The following CHMP5 variants were observed in gnomAD, a reference collection of about 807,000 sequenced individuals.
CHMP5 encodes the protein charged multivesicular body protein 5, also known as SNF7 domain containing 2.
A neutral mutation model predicts 33.0 loss-of-function variants in CHMP5; 17 were observed. That is an observed-to-expected ratio of 0.52 (90% CI 0.35 to 0.77). CHMP5 has a LOEUF of 0.77. Ranked by LOEUF, CHMP5 falls within the 30% of genes least tolerant of loss-of-function variation. CHMP5 has a pLI of 0.01. For missense variants in CHMP5, 216 were observed against 261.5 expected, an observed-to-expected ratio of 0.83 and a Z score of 1.20; for synonymous variants, 76 against 90.2, an observed-to-expected ratio of 0.84 and a Z score of 0.89.
At chr9:33,274,697 C>A (rs773816471) in intron 5 of CHMP5, among the ~76,000 whole-genome samples, 1 of 152,182 alleles carries the variant, frequency 6.6e-6, no homozygotes, top group Non-Finnish European at 1.5e-5. Flanking sequence ...CTCACTGCAA[C>A]CTCTGCCTCC....
At chr9:33,266,604 G>A (rs2118009423) in intron 2 of CHMP5, among the ~76,000 whole-genome samples, 1 of 152,322 alleles carries the variant, frequency 6.6e-6, no homozygotes, top group Middle Eastern at 3.4e-3. Flanking sequence ...AAATATGGAA[G>A]GGAGGCTGGG....
intron 7 of CHMP5, among the ~76,000 whole-genome samples, chr9:33,279,968 T>TTTG (rs961440009): frequency 7.3e-5 from 11 of 151,570 alleles, no homozygotes; most frequent in African/African-American, 2.7e-4. Flanking sequence ...ATATGGGGGT[T>TTTG]TTGTTGTTGT....
chr9:33,272,171 G>A (rs970621060), intron 5 of CHMP5, among the ~76,000 whole-genome samples: 1 of 152,122 alleles, frequency 6.6e-6, no homozygotes, highest in African/African-American at 2.4e-5. Context: ...AGATAGCAGA[G>A]GGAGTGAGTG....
At chr9:33,268,327 G>A (rs971843155) in intron 3 of CHMP5, among the ~76,000 whole-genome samples, 1 of 152,098 alleles carries the variant, frequency 6.6e-6, no homozygotes, top group African/African-American at 2.4e-5. Context: ...GTTTTTGTTT[G>A]TGAAGTTAGG....
rs1304800277 is a variant in CHMP5, at chr9:33,281,719, CCTT to C, written c.*863_*865del. 6.6e-6 allele frequency: 1 copy of C among 152,174 alleles called. No homozygotes were observed. The highest frequency in any genetic ancestry group is 1.5e-5 in the Non-Finnish European group (1 of 68,038). The allele number at this position is 152,174 out of a possible 1,614,324, so 9.4% of individuals were successfully genotyped here. ...TGAGTAGTCTATTCAACCTCTCTAA[CCTT>C]CTGTTTCCTTATTAGTAAAATCATG... On this transcript the variant is annotated 3_prime_UTR_variant, in exon 8 of 8. Transcript: ENST00000223500.
chr9:33,265,519 G>A (rs1483296241), intron 1 of CHMP5, among the ~76,000 whole-genome samples: 2 of 152,068 alleles, frequency 1.3e-5, no homozygotes, highest in Admixed American at 6.6e-5. Context: ...GTCCACATCA[G>A]GACTCAGCTT....
chr9:33,276,637 A>C, intron 6 of CHMP5, 73 bp downstream of exon 6: 1 of 787,372 alleles, frequency 1.3e-6, no homozygotes, highest in Non-Finnish European at 2.1e-6. Flanking sequence ...ACCTTTTCTC[A>C]AATGCTAGTG....
chr9:33,278,177 A>G lies in CHMP5; in HGVS notation c.561A>G (p.Ala187=), dbSNP rs199649745. 1 of 1,613,566 alleles carries G rather than the reference A, an allele frequency of 6.2e-7. No individual in the cohort carries two copies. Among genetic ancestry groups the G allele is most frequent in the Non-Finnish European group, 8.5e-7 (1 of 1,179,682 alleles). Residue 187 remains alanine (A), a synonymous_variant, in exon 7 of 8, where the codon GCA becomes GCG. Coordinates refer to ENST00000223500, the MANE Select transcript of CHMP5 (RefSeq NM_016410.6). ...DEDSSYLDEA[A]SAPAIPEGVP... is the part of the protein sequence containing the mutation. ...ACAGTTCTTATTTGGATGAGGCAGC[A>G]TCTGCACCTGCAATTCCAGAAGGTG...
chr9:33,272,669 T>C (rs538198782), intron 5 of CHMP5, among the ~76,000 whole-genome samples: 1 of 152,060 alleles, frequency 6.6e-6, no homozygotes, highest in East Asian at 1.9e-4. Context: ...CCGAGCATGG[T>C]GGTGTGTGCC....
chr9:33,266,291 C>T (rs762431226), intron 2 of CHMP5, among the ~76,000 whole-genome samples, 177 bp downstream of exon 2: 5 of 152,178 alleles, frequency 3.3e-5, no homozygotes, highest in East Asian at 3.9e-4. Context: ...GCCAACATAG[C>T]GAAACCCTGT....
At chr9:33,269,866 C>G (rs903536034) in intron 3 of CHMP5, among the ~76,000 whole-genome samples, 1 of 150,890 alleles carries the variant, frequency 6.6e-6, no homozygotes. Context: ...CCAGCTACTC[C>G]GGAGGCTGAG....
chr9:33,266,778 T>C (rs1394704199), intron 2 of CHMP5, among the ~76,000 whole-genome samples: 1 of 152,174 alleles, frequency 6.6e-6, no homozygotes, highest in Non-Finnish European at 1.5e-5. Context: ...TTAGACTGCT[T>C]AAGGAGTGGC....
In CHMP5 at chr9:33,280,901, T is replaced by A; in HGVS notation, c.*42T>A. ...CATATCTTGTAAAACAAACACATATTATGGGACTAGGAAATATTTATCTTT... is the reference window on the plus strand; with the variant it reads ...CATATCTTGTAAAACAAACACATATAATGGGACTAGGAAATATTTATCTTT... On this transcript the variant is annotated 3_prime_UTR_variant, in exon 8 of 8. Transcript: ENST00000223500. The A allele has an allele frequency of 2.7e-6, 4 of 1,502,964 alleles. No homozygotes were observed. Among genetic ancestry groups the A allele is most frequent in the Non-Finnish European group, 3.7e-6 (4 of 1,095,820 alleles). The allele number at this position is 1,502,964 out of a possible 1,614,324, so 93.1% of individuals were successfully genotyped here. A position where few individuals can be genotyped will look rare whatever the true frequency, so the allele number is the denominator to read the frequency against.
intron 5 of CHMP5, among the ~76,000 whole-genome samples, chr9:33,273,572 T>A (rs1820819778): frequency 6.6e-6 from 1 of 152,208 alleles, no homozygotes; most frequent in African/African-American, 2.4e-5. Context: ...TGGTCAGATT[T>A]ATTTTCCTAA....
At chr9:33,268,677 T>C (rs1476845603) in intron 3 of CHMP5, among the ~76,000 whole-genome samples, 1 of 152,256 alleles carries the variant, frequency 6.6e-6, no homozygotes, top group African/African-American at 2.4e-5. Context: ...CCTTCTTAAT[T>C]GGTGGCATTG....
chr9:33,274,149 C>T (rs1820826468), intron 5 of CHMP5, among the ~76,000 whole-genome samples: 1 of 151,808 alleles, frequency 6.6e-6, no homozygotes, highest in Non-Finnish European at 1.5e-5. Context: ...AGTCTCAGCT[C>T]ACCGCAACCT....
Position 33,270,716 on chromosome 9 carries a change from G to A in CHMP5, c.315G>A (p.Thr105=), listed in dbSNP as rs141438727. ...AGTCTTTGAAGGACACCAAGACCAC[G>A]GTACTCCCAAAACACCTTTTCCTGT... is the stretch of plus-strand genomic sequence containing the variant. ...TIQSLKDTKT[T]VDAMKLGVKE... Residue 105 remains threonine (T), a splice_region_variant and synonymous_variant, in exon 4 of 8, where the codon ACG becomes ACA. Transcript: ENST00000223500. The A allele has an allele frequency of 5.0e-6, 8 of 1,600,656 alleles. No individual in the cohort carries two copies. Among genetic ancestry groups the A allele is most frequent in the African/African-American group, 1.3e-5 (1 of 74,530 alleles).
chr9:33,280,477 T>C (rs931790130), intron 7 of CHMP5, among the ~76,000 whole-genome samples: 6 of 152,236 alleles, frequency 3.9e-5, no homozygotes. Context: ...AATGCAAATC[T>C]GGAGGCAAGG....
At chr9:33,275,077 T>C (rs1255529398) in intron 5 of CHMP5, among the ~76,000 whole-genome samples, 1 of 152,212 alleles carries the variant, frequency 6.6e-6, no homozygotes, top group Non-Finnish European at 1.5e-5. Context: ...ATACCACTTC[T>C]TAGATTGGTT....
Sources: allele counts gnomAD v4.1 joint callset (sites outside exome capture counted in the v4.1 genomes callset), GRCh38; gene constraint gnomAD v4.1.1; transcripts MANE v1.5; gene names NCBI Gene and HGNC (gene_info 2026-07-23, HGNC 2026-07-21).